Variants in SNX27 observed in about 807,000 individuals in gnomAD.
The protein encoded by SNX27 is sorting nexin-27.
Under a neutral mutation model 71.6 loss-of-function variants are expected in SNX27, and 22 were observed. That is an observed-to-expected ratio of 0.31 (90% CI 0.22 to 0.44). SNX27 has a LOEUF of 0.44. Ranked by LOEUF, SNX27 falls within the 20% of genes least tolerant of loss-of-function variation. The probability of loss-of-function intolerance (pLI) is 1.00; values close to 1 mark genes in which losing one functional copy is unlikely to be tolerated. For missense variants in SNX27, 531 were observed against 698.6 expected (o/e 0.76, Z 2.70); for synonymous variants, 269 against 277.2 (o/e 0.97, Z 0.29).
chr1:151,627,494 G>T (rs563755120), intron 1 of SNX27, among the ~76,000 whole-genome samples: 1 of 152,278 alleles, frequency 6.6e-6, no homozygotes, highest in South Asian at 2.1e-4. Flanking sequence ...TTGAAATACA[G>T]TTAGGTTCTC....
chr1:151,644,150 C>T (rs1293547721), intron 2 of SNX27, among the ~76,000 whole-genome samples: 2 of 152,260 alleles, frequency 1.3e-5, no homozygotes, highest in African/African-American at 4.8e-5. Context: ...AACATCCAGT[C>T]TGCTCTACTT....
chr1:151,658,225 C>T lies in SNX27; in HGVS notation c.544-10C>T, dbSNP rs773874971. ...AAGTATGCTTTTCTTTTGTTCTTCT[C>T]CTTCACCAGGTATATAATGTTTACA... On this transcript the variant is annotated splice_polypyrimidine_tract_variant and intron_variant, in intron 2 of 11. Transcript: ENST00000458013. 6.3e-7 allele frequency: 1 copy of T among 1,586,324 alleles called. No homozygotes were observed. The highest frequency in any genetic ancestry group is 8.6e-7 in the Non-Finnish European group (1 of 1,168,438).
rs985610565 is a variant in SNX27 at position 151,696,741 on chromosome 1, T to A, written c.*2324T>A. ...CTCGGCTCACTGCACCCTCTGCCTC[T>A]TGGGTTCAAGCGATTCTCCTGCCTC... On this transcript the variant is annotated 3_prime_UTR_variant, in exon 12 of 12. Coordinates refer to ENST00000458013, the MANE Select transcript of SNX27 (RefSeq NM_001330723.2). 1 of 149,078 alleles carries A rather than the reference T, an allele frequency of 6.7e-6. No homozygotes were observed. The highest frequency in any genetic ancestry group is 1.5e-5 in the Non-Finnish European group (1 of 67,582). 9.2% of individuals were successfully genotyped at this position (149,078 alleles called of 1,614,324 possible). A position where few individuals can be genotyped will look rare whatever the true frequency, so the allele number is the denominator to read the frequency against.
chr1:151,613,398 C>T (rs1442184152), intron 1 of SNX27: 5 of 152,188 alleles, frequency 3.3e-5, no homozygotes, highest in Admixed American at 3.3e-4. Flanking sequence ...TATGGTAGAC[C>T]CCTTGTAACT....
At chr1:151,671,320 C>T (rs1474497089) in intron 7 of SNX27, among the ~76,000 whole-genome samples, 1 of 151,806 alleles carries the variant, frequency 6.6e-6, no homozygotes, top group African/African-American at 2.4e-5. Context: ...TCACTGCAGC[C>T]TTGACCTCCT....
intron 1 of SNX27, among the ~76,000 whole-genome samples, chr1:151,627,702 A>G (rs1668010494): frequency 6.6e-6 from 1 of 152,036 alleles, no homozygotes; most frequent in African/African-American, 2.4e-5. Flanking sequence ...TGCTAGGATT[A>G]CAGGTGTAAG....
intron 2 of SNX27, among the ~76,000 whole-genome samples, chr1:151,648,038 G>GT (rs1300227802): frequency 6.6e-6 from 1 of 151,914 alleles, no homozygotes; most frequent in Non-Finnish European, 1.5e-5. Flanking sequence ...AAGAGTCGGG[G>GT]TTTTTTTGTT....
intron 1 of SNX27, among the ~76,000 whole-genome samples, chr1:151,620,092 A>G (rs1422237151): frequency 6.6e-6 from 1 of 152,234 alleles, no homozygotes; most frequent in African/African-American, 2.4e-5. Context: ...AACTGTGACC[A>G]AAGAGGGGAA....
chr1:151,688,121 C>T (rs1671269646), intron 8 of SNX27, among the ~76,000 whole-genome samples: 1 of 152,124 alleles, frequency 6.6e-6, no homozygotes, highest in Non-Finnish European at 1.5e-5. Flanking sequence ...ATTCGGGATA[C>T]ATAGTTACTC....
rs183128492 is a variant in SNX27, at chr1:151,612,981, C to G, written c.311+469C>G. On this transcript the variant is annotated intron_variant, in intron 1 of 11. Transcript: ENST00000458013. The surrounding 1 kb of genome is among the most constrained non-coding windows in gnomAD (Gnocchi z 5.2). ...GTTCTCCACCACTCCCCTCCGCCCCCGTGGACTGCCCCTTCTGCCCTCCAG... is the reference window on the plus strand; with the variant it reads ...GTTCTCCACCACTCCCCTCCGCCCCGGTGGACTGCCCCTTCTGCCCTCCAG... Among the ~76,000 whole-genome samples the G allele has an allele frequency of 4.4e-3, 674 of 152,078 alleles. 7 individuals carry two copies. The highest frequency in any genetic ancestry group is 0.016 in the African/African-American group (647 of 41,474).
intron 1 of SNX27, among the ~76,000 whole-genome samples, chr1:151,617,034 G>A (rs1475641512): frequency 6.6e-6 from 1 of 152,102 alleles, no homozygotes; most frequent in East Asian, 1.9e-4. Context: ...AGAGTAATGA[G>A]CTAAGGTTAT....
chr1:151,687,975 A>AC (rs1571874429), intron 8 of SNX27, among the ~76,000 whole-genome samples: 1 of 151,642 alleles, frequency 6.6e-6, no homozygotes, highest in East Asian at 1.9e-4. Flanking sequence ...GAAAAACAAA[A>AC]AAAAAAACTG....
chr1:151,615,178 T>C (rs538189285), intron 1 of SNX27, among the ~76,000 whole-genome samples: 9 of 152,144 alleles, frequency 5.9e-5, no homozygotes, highest in East Asian at 1.9e-4. Flanking sequence ...CTCTGGAAGG[T>C]TGTGATAATC....
intron 1 of SNX27, chr1:151,613,403 G>T (rs2102582563): frequency 1.3e-5 from 2 of 152,476 alleles, no homozygotes; most frequent in South Asian, 4.1e-4. Flanking sequence ...TAGACCCCTT[G>T]TAACTCCTCC....
intron 1 of SNX27, among the ~76,000 whole-genome samples, chr1:151,637,153 G>A (rs1243100694): frequency 4.7e-5 from 3 of 64,080 alleles, no homozygotes; most frequent in Non-Finnish European, 9.8e-5. Context: ...AGTTGATCAC[G>A]TTTTTTTTGT....
At chr1:151,690,752 C>A (rs1426813372) in intron 8 of SNX27, among the ~76,000 whole-genome samples, 1 of 152,160 alleles carries the variant, frequency 6.6e-6, no homozygotes, top group African/African-American at 2.4e-5. Flanking sequence ...CAGCCAAATA[C>A]TCTGTATTTA....
At chr1:151,642,932 G>C (rs190764571) in intron 2 of SNX27, among the ~76,000 whole-genome samples, 1 of 151,458 alleles carries the variant, frequency 6.6e-6, no homozygotes, top group African/African-American at 2.4e-5. Context: ...GAGCCACCGC[G>C]CCCTGCCTAT....
chr1:151,681,574 C>G (rs1670969051), intron 7 of SNX27, among the ~76,000 whole-genome samples: 1 of 152,130 alleles, frequency 6.6e-6, no homozygotes, highest in Non-Finnish European at 1.5e-5. Flanking sequence ...ATTTGCCTAT[C>G]CAACTATCTT....
At chr1:151,641,400 A>T (rs1016081324) in intron 2 of SNX27, among the ~76,000 whole-genome samples, 1 of 151,714 alleles carries the variant, frequency 6.6e-6, no homozygotes, top group African/African-American at 2.4e-5. Context: ...GGACATAGTG[A>T]TACCTTACTG....
Sources: gnomAD v4.1 joint callset for allele counts (sites outside exome capture counted in the v4.1 genomes callset) on GRCh38, gnomAD v4.1.1 for gene constraint, Gnocchi (gnomAD v3.1) non-coding constraint, MANE v1.5 for transcripts, NCBI Gene and HGNC (gene_info 2026-07-23, HGNC 2026-07-21) for gene names.